TAB2: variants seen among roughly 807,000 people sequenced by gnomAD.
The protein encoded by TAB2 is TGF-beta activated kinase 1 (MAP3K7) binding protein 2.
Under a neutral mutation model 65.0 loss-of-function variants are expected in TAB2, and 3 were observed. The observed-to-expected ratio is 0.05, with a 90% CI of 0.02 to 0.12. The LOEUF is 0.12. Among genes scored for constraint, TAB2 ranks in the 10% least tolerant of loss-of-function variants. The pLI is 1.00. For synonymous variants in TAB2, 298 were observed against 285.1 expected (o/e 1.05, Z -0.46); for missense variants, 623 against 840.3 (o/e 0.74, Z 3.20).
intron 1 of TAB2, among the ~76,000 whole-genome samples, chr6:149,229,097 T>C (rs936462944): frequency 6.6e-6 from 1 of 152,068 alleles, no homozygotes; most frequent in African/African-American, 2.4e-5. Context: ...TACAGATCCA[T>C]TAGAAGAATA....
chr6:149,307,369 A>C (rs1417769543), intron 1 of TAB2, among the ~76,000 whole-genome samples: 1 of 152,144 alleles, frequency 6.6e-6, no homozygotes, highest in Non-Finnish European at 1.5e-5. Flanking sequence ...AAATTTATGA[A>C]GTTTGGGGAA....
chr6:149,366,315 C>T (rs1325167588), intron 1 of TAB2, among the ~76,000 whole-genome samples: 6 of 152,160 alleles, frequency 3.9e-5, no homozygotes, highest in African/African-American at 1.4e-4. Context: ...TTAACCTTAG[C>T]CTTGCTGCTT....
intron 6 of TAB2, among the ~76,000 whole-genome samples, chr6:149,407,763 G>A (rs755300163): frequency 2.1e-5 from 3 of 146,206 alleles, no homozygotes; most frequent in South Asian, 4.3e-4. Flanking sequence ...TTTAGTTTCC[G>A]AACACCTCTA....
intron 1 of TAB2, among the ~76,000 whole-genome samples, chr6:149,278,607 G>C (rs1469927004): frequency 6.6e-6 from 1 of 152,154 alleles, no homozygotes; most frequent in Non-Finnish European, 1.5e-5. Flanking sequence ...CCAAACAAGA[G>C]GGGAGTTACT....
intron 1 of TAB2, among the ~76,000 whole-genome samples, chr6:149,263,564 C>G (rs1161259668): frequency 6.6e-6 from 1 of 152,158 alleles, no homozygotes; most frequent in Non-Finnish European, 1.5e-5. Flanking sequence ...GGAAGAAGTG[C>G]CATGTTAAGC....
intron 6 of TAB2, among the ~76,000 whole-genome samples, chr6:149,403,315 CACACACATATATATACATATATAT>C (rs1583164657): frequency 1.3e-5 from 1 of 74,848 alleles, no homozygotes; most frequent in East Asian, 3.5e-4. Flanking sequence ...TATATATATA[CACACACATATATATACATATATAT>C]ACACACACAC....
At chr6:149,358,290 T>C (rs1780733552) in intron 1 of TAB2, among the ~76,000 whole-genome samples, 2 of 152,162 alleles carry the variant, frequency 1.3e-5, no homozygotes, top group Non-Finnish European at 2.9e-5. Context: ...TTAATACGCA[T>C]AGCCTGAAGG....
intron 1 of TAB2, among the ~76,000 whole-genome samples, chr6:149,310,065 C>T (rs1779142458): frequency 6.7e-6 from 1 of 148,574 alleles, no homozygotes; most frequent in African/African-American, 2.5e-5. Flanking sequence ...GGCGCAGTGC[C>T]TCATGCCTGA....
chr6:149,399,051 AAAGTT>A (rs1229837064), intron 5 of TAB2, 48 bp from the exon 6 acceptor site: 42 of 1,446,336 alleles, frequency 2.9e-5, no homozygotes, highest in Non-Finnish European at 3.8e-5. Context: ...TTTAAAAAGT[AAAGTT>A]GTTTTTGAGC....
intron 1 of TAB2, among the ~76,000 whole-genome samples, chr6:149,278,325 A>G (rs148028866): frequency 1.6e-3 from 249 of 152,360 alleles, no homozygotes; most frequent in Middle Eastern, 6.8e-3. Context: ...AGTCATTACC[A>G]TAAGCTATGA....
intron 1 of TAB2, among the ~76,000 whole-genome samples, chr6:149,343,790 G>T (rs1397988052): frequency 1.3e-5 from 2 of 152,066 alleles, no homozygotes; most frequent in Non-Finnish European, 2.9e-5. Context: ...AGCTTTTAAG[G>T]ATATTTATTC....
intron 1 of TAB2, among the ~76,000 whole-genome samples, chr6:149,301,756 C>T (rs1778976664): frequency 2.0e-5 from 3 of 152,152 alleles, no homozygotes; most frequent in Non-Finnish European, 4.4e-5. Context: ...TACTTTTCAA[C>T]AAACACTATT....
intron 1 of TAB2, among the ~76,000 whole-genome samples, chr6:149,227,258 T>C (rs1053203534): frequency 6.6e-6 from 1 of 152,218 alleles, no homozygotes; most frequent in Non-Finnish European, 1.5e-5. Flanking sequence ...CTAGGTACTA[T>C]GTCAAGGTCA....
At chr6:149,265,388 T>C (rs1778241562) in intron 1 of TAB2, among the ~76,000 whole-genome samples, 1 of 152,216 alleles carries the variant, frequency 6.6e-6, no homozygotes, top group African/African-American at 2.4e-5. Context: ...TGAACATCAC[T>C]GTTAATGAGA....
intron 1 of TAB2, among the ~76,000 whole-genome samples, chr6:149,245,932 T>A (rs1777703440): frequency 6.6e-6 from 1 of 150,402 alleles, no homozygotes; most frequent in Non-Finnish European, 1.5e-5. Flanking sequence ...TTACTGGACT[T>A]TTTTTTTTTG....
intron 1 of TAB2, among the ~76,000 whole-genome samples, chr6:149,251,448 A>G (rs1583046765): frequency 6.6e-6 from 1 of 152,338 alleles, no homozygotes; most frequent in South Asian, 2.1e-4. Context: ...ATTTCAAGCT[A>G]GAGAAGAGAT....
At chr6:149,235,889 C>A (rs945017460) in intron 1 of TAB2, among the ~76,000 whole-genome samples, 3 of 152,124 alleles carry the variant, frequency 2.0e-5, no homozygotes, top group African/African-American at 7.2e-5. Context: ...GGGAGGACAC[C>A]TAGATTTATT....
upstream of TAB2, among the ~76,000 whole-genome samples, chr6:149,316,657 A>T (rs1355730042): frequency 6.6e-6 from 1 of 152,118 alleles, no homozygotes; most frequent in Non-Finnish European, 1.5e-5. Flanking sequence ...GACACTAAAC[A>T]AATATTTATT....
intron 1 of TAB2, among the ~76,000 whole-genome samples, chr6:149,253,956 GAA>G (rs56296651): frequency 0.092 from 7,892 of 86,040 alleles, 346 homozygotes; most frequent in Admixed American, 0.15. Flanking sequence ...AAGAAAGAAA[GAA>G]AAAGAAAGAA....
Sources: gnomAD v4.1 joint callset for allele counts (sites outside exome capture counted in the v4.1 genomes callset) on GRCh38, gnomAD v4.1.1 for gene constraint, MANE v1.5 for transcripts, NCBI Gene and HGNC (gene_info 2026-07-23, HGNC 2026-07-21) for gene names.